Variants in UTRN observed in about 807,000 individuals in gnomAD.
UTRN encodes utrophin.
A neutral mutation model predicts 463.9 loss-of-function variants in UTRN; 283 were observed. That is an observed-to-expected ratio of 0.61 (90% CI 0.55 to 0.67). The LOEUF (loss-of-function observed/expected upper bound fraction) is 0.67, where lower values mean the gene tolerates loss of function less well. UTRN is among the 30% of genes least tolerant of loss of function. The pLI is 0.00. For missense variants in UTRN, 3,922 were observed against 4,084.3 expected, an observed-to-expected ratio of 0.96 and a Z score of 1.08; for synonymous variants, 1,442 against 1,431.5, an observed-to-expected ratio of 1.01 and a Z score of -0.17.
At chr6:144,424,148 C>G (rs545733284) in intron 6 of UTRN, 70 bp downstream of exon 6, 1 of 1,511,152 alleles carries the variant, frequency 6.6e-7, no homozygotes, top group South Asian at 1.1e-5. Flanking sequence ...TTTCTTAAGG[C>G]TGCCGTAACC....
chr6:144,797,649 G>A lies in UTRN; in HGVS notation c.9079-175G>A, dbSNP rs1007294601. 1.1e-4 allele frequency: 66 copies of A among 587,244 alleles called. No individual in the cohort carries two copies. The African/African-American group carries it at 1.1e-3, about 10-fold the overall frequency. The allele number at this position is 587,244 out of a possible 1,614,324, so 36.4% of individuals were successfully genotyped here. ...CAATTTCTGCTTTTTCTACTCATAA[G>A]TTCTAGAATTTTCTTGACTTGAAGA... On this transcript the variant is annotated intron_variant, in intron 63 of 74. Transcript: ENST00000367545.
intron 53 of UTRN, among the ~76,000 whole-genome samples, chr6:144,727,398 A>T (rs749644952): frequency 3.3e-5 from 5 of 152,176 alleles, no homozygotes; most frequent in Non-Finnish European, 5.9e-5. Flanking sequence ...AAATCTGTAC[A>T]TTCCTGGAAC....
At chr6:144,849,148 C>T (rs547561543) in intron 74 of UTRN, among the ~76,000 whole-genome samples, 1 of 152,052 alleles carries the variant, frequency 6.6e-6, no homozygotes, top group Non-Finnish European at 1.5e-5. Flanking sequence ...TCACAGGCCA[C>T]ATGACCTATA....
chr6:144,798,487 T>G (rs1462480392), intron 64 of UTRN, among the ~76,000 whole-genome samples: 2 of 152,242 alleles, frequency 1.3e-5, no homozygotes, highest in South Asian at 4.1e-4. Context: ...TGCCATACTT[T>G]AATGTAATCA....
chr6:144,627,668 A>C (rs1224743117), intron 51 of UTRN, among the ~76,000 whole-genome samples: 1 of 152,050 alleles, frequency 6.6e-6, no homozygotes, highest in Admixed American at 6.5e-5. Context: ...GTACCTGAGA[A>C]TTTGACTACT....
chr6:144,747,534 A>T (rs1396175040), intron 54 of UTRN, among the ~76,000 whole-genome samples: 1 of 152,192 alleles, frequency 6.6e-6, no homozygotes, highest in African/African-American at 2.4e-5. Context: ...GGACTGTTCC[A>T]GCCCACATCC....
At chr6:144,323,406 C>T (rs569146399) in intron 2 of UTRN, among the ~76,000 whole-genome samples, 28 of 152,212 alleles carry the variant, frequency 1.8e-4, no homozygotes, top group African/African-American at 6.7e-4. Flanking sequence ...CAGAAGAGCC[C>T]TCCCTCCCTC....
chr6:144,800,157 A>G (rs902923901), intron 64 of UTRN, among the ~76,000 whole-genome samples: 1 of 152,180 alleles, frequency 6.6e-6, no homozygotes, highest in African/African-American at 2.4e-5. Context: ...TGATGGATGT[A>G]GAGAGTGAAG....
At chr6:144,298,434 C>T (rs981150462) in intron 2 of UTRN, among the ~76,000 whole-genome samples, 9 of 152,148 alleles carry the variant, frequency 5.9e-5, no homozygotes, top group African/African-American at 1.9e-4. Flanking sequence ...AAATACCTGA[C>T]GTTTATTAAT....
chr6:144,808,025 G>T (rs1346382551), intron 65 of UTRN, among the ~76,000 whole-genome samples: 1 of 152,112 alleles, frequency 6.6e-6, no homozygotes, highest in Non-Finnish European at 1.5e-5. Context: ...TAATGGTATG[G>T]ATTTAGTGAC....
intron 69 of UTRN, among the ~76,000 whole-genome samples, chr6:144,835,453 G>A (rs1161559642): frequency 6.6e-6 from 1 of 152,154 alleles, no homozygotes; most frequent in Non-Finnish European, 1.5e-5. Context: ...TTTAGGCATG[G>A]AGTAATTGAT....
rs538033784 is a variant in UTRN, at chr6:144,375,924, T to TC, written c.80-27192dup. Among the ~76,000 whole-genome samples, 37 of 152,068 alleles carry TC rather than the reference T, an allele frequency of 2.4e-4. No homozygotes were observed. In the South Asian group the frequency reaches 6.5e-3, roughly 27 times the overall value. On this transcript the variant is annotated intron_variant, in intron 2 of 74. Coordinates refer to ENST00000367545, the MANE Select transcript of UTRN (RefSeq NM_007124.3). ...CCTGGCGTTTTATGGCATGTTTTCT[T>TC]CCCCCCCACATAGGGTAGCAGCCTT...
chr6:144,548,823 A>G lies in UTRN; in HGVS notation c.6779A>G (p.Glu2260Gly). Reference protein sequence around the residue: ...KSNIVTVGDVEEINKTVSRMK... With the variant: ...KSNIVTVGDVGEINKTVSRMK... ...AACATTGTCACTGTTGGGGATGTAG[A>G]AGAGATCAATAAGACCGTTTCCCGA... Residue 2260 changes from glutamate to glycine, a missense_variant, in exon 47 of 75, where the codon GAA becomes GGA. Glu to Gly is a moderately conservative substitution (Grantham distance 98). This residue lies in a region of UTRN where 1,309 missense variants were observed against 1,452.6 expected (regional missense o/e 0.90). Coordinates refer to ENST00000367545, the MANE Select transcript of UTRN (RefSeq NM_007124.3). 5.6e-6 allele frequency: 9 copies of G among 1,614,030 alleles called. No individual in the cohort carries two copies. The highest frequency in any genetic ancestry group is 7.6e-6 in the Non-Finnish European group (9 of 1,179,942).
intron 51 of UTRN, among the ~76,000 whole-genome samples, chr6:144,664,557 A>C (rs1466203798): frequency 6.6e-6 from 1 of 150,490 alleles, no homozygotes; most frequent in Non-Finnish European, 1.5e-5. Flanking sequence ...ACCCACCTCG[A>C]GTCTTACCTA....
At chr6:144,529,797 A>T (rs1254658136) in intron 41 of UTRN, among the ~76,000 whole-genome samples, 1 of 151,984 alleles carries the variant, frequency 6.6e-6, no homozygotes, top group Non-Finnish European at 1.5e-5. Flanking sequence ...TTTAAAAAAT[A>T]TATATTTTAT....
intron 65 of UTRN, among the ~76,000 whole-genome samples, chr6:144,808,273 G>A (rs1778319846): frequency 8.5e-6 from 1 of 117,382 alleles, no homozygotes; most frequent in South Asian, 2.5e-4. Context: ...AATCAAGAGA[G>A]TAGTCAATTT....
chr6:144,560,967 T>C (rs1799810293), intron 50 of UTRN, among the ~76,000 whole-genome samples: 1 of 151,750 alleles, frequency 6.6e-6, no homozygotes, highest in South Asian at 2.1e-4. Context: ...TTTTGGATTC[T>C]TTGAAAAGTA....
chr6:144,570,014 C>T (rs1291526850), intron 50 of UTRN, among the ~76,000 whole-genome samples: 2 of 152,118 alleles, frequency 1.3e-5, no homozygotes, highest in Non-Finnish European at 2.9e-5. Context: ...AGTGGAGACC[C>T]GTGTTGATCA....
At chr6:144,493,894 C>A (rs1793313049) in intron 33 of UTRN, among the ~76,000 whole-genome samples, 1 of 152,006 alleles carries the variant, frequency 6.6e-6, no homozygotes, top group Non-Finnish European at 1.5e-5. Context: ...TCCTAGCTAC[C>A]TGGGAGGCTG....
Sources: gnomAD v4.1 joint callset for allele counts (sites outside exome capture counted in the v4.1 genomes callset) on GRCh38, gnomAD v4.1.1 for gene constraint, gnomAD v4.1.1 regional missense constraint, MANE v1.5 for transcripts, NCBI Gene and HGNC (gene_info 2026-07-23, HGNC 2026-07-21) for gene names.